Variants in PCGF6 observed in about 807,000 individuals in gnomAD.
The protein encoded by PCGF6 is polycomb group RING finger protein 6.
A neutral mutation model predicts 45.5 loss-of-function variants in PCGF6; 24 were observed. The ratio of observed to expected loss-of-function variants is 0.53; its 90% CI spans 0.38 to 0.74. The LOEUF is 0.74. Among genes scored for constraint, PCGF6 ranks in the 30% least tolerant of loss-of-function variants. PCGF6 has a pLI of 0.00. For missense variants in PCGF6, 356 were observed against 443.2 expected (o/e 0.80, Z 1.77); for synonymous variants, 152 against 162.1 (o/e 0.94, Z 0.47).
At chr10:103,308,474 C>T (rs1440603132) in intron 9 of PCGF6, among the ~76,000 whole-genome samples, 2 of 151,690 alleles carry the variant, frequency 1.3e-5, no homozygotes, top group East Asian at 2.0e-4. Context: ...TCTCTGCTCA[C>T]TGCAACCTCT....
chr10:103,342,755 A>G (rs1028579046), intron 6 of PCGF6, among the ~76,000 whole-genome samples: 5 of 152,168 alleles, frequency 3.3e-5, no homozygotes, highest in African/African-American at 1.2e-4. Context: ...TGGGTATACC[A>G]TTATTTAACC....
intron 7 of PCGF6, among the ~76,000 whole-genome samples, chr10:103,329,093 G>A (rs2093230329): frequency 6.6e-6 from 1 of 151,508 alleles, no homozygotes; most frequent in South Asian, 2.1e-4. Context: ...AGGCTGGAGT[G>A]CAGTGGCACA....
intron 6 of PCGF6, among the ~76,000 whole-genome samples, chr10:103,338,955 C>G (rs1373767242): frequency 6.6e-6 from 1 of 152,060 alleles, no homozygotes; most frequent in East Asian, 1.9e-4. Flanking sequence ...GAGGCTGAAC[C>G]CACCTCAGTG....
intron 6 of PCGF6, among the ~76,000 whole-genome samples, chr10:103,336,961 T>C (rs1056485005): frequency 1.3e-5 from 2 of 152,186 alleles, no homozygotes; most frequent in Admixed American, 1.3e-4. Context: ...TTTTGCCTTC[T>C]GGTATTGTGA....
At chr10:103,341,419 G>A (rs1476741059) in intron 6 of PCGF6, among the ~76,000 whole-genome samples, 4 of 150,658 alleles carry the variant, frequency 2.7e-5, no homozygotes, top group Non-Finnish European at 5.9e-5. Context: ...ACCATGCCTG[G>A]CTAATTTTTG....
At chr10:103,347,034 A>G (rs1252012201) in intron 5 of PCGF6, among the ~76,000 whole-genome samples, 1 of 152,194 alleles carries the variant, frequency 6.6e-6, no homozygotes, top group Non-Finnish European at 1.5e-5. Flanking sequence ...ATAAAGTGGC[A>G]GGGCTAGGAA....
At position 103,351,072 on chromosome 10, in the gene PCGF6, G is replaced by C. The variant is rs754313162; in HGVS notation, c.-6C>G. On this transcript the variant is annotated 5_prime_UTR_variant, in exon 1 of 10. Transcript: ENST00000369847. ...ACCACCGCGACCCCCTCCATGGTCG[G>C]GAGAGACACCAGGCGAGGCGAGGCG... The C allele has an allele frequency of 8.7e-6, 12 of 1,376,314 alleles. No homozygotes were observed. Among genetic ancestry groups the C allele is most frequent in the South Asian group, 3.8e-5 (2 of 53,108 alleles). 85.3% of individuals were successfully genotyped at this position (1,376,314 alleles called of 1,614,324 possible).
intron 6 of PCGF6, 29 bp from the exon 7 acceptor site, chr10:103,333,981 A>G: frequency 1.4e-6 from 2 of 1,448,664 alleles, no homozygotes; most frequent in Non-Finnish European, 1.9e-6. Context: ...ATTAATCAAT[A>G]TTTAATACTT....
chr10:103,323,054 C>T (rs1255489339), intron 8 of PCGF6, among the ~76,000 whole-genome samples: 2 of 152,062 alleles, frequency 1.3e-5, no homozygotes, highest in African/African-American at 4.8e-5. Flanking sequence ...AAATAACAGG[C>T]TGTTATGGGA....
At chr10:103,323,900 A>G (rs2093206832) in intron 8 of PCGF6, among the ~76,000 whole-genome samples, 2 of 151,512 alleles carry the variant, frequency 1.3e-5, no homozygotes, top group African/African-American at 2.4e-5. Context: ...CTGTTTTAAC[A>G]TATCTATTAA....
At chr10:103,331,456 G>T (rs2093239783) in intron 7 of PCGF6, among the ~76,000 whole-genome samples, 1 of 151,878 alleles carries the variant, frequency 6.6e-6, no homozygotes, top group African/African-American at 2.4e-5. Flanking sequence ...TAGAGTTTTG[G>T]CATGTTGGCC....
intron 5 of PCGF6, among the ~76,000 whole-genome samples, chr10:103,346,000 C>A (rs964692026): frequency 3.3e-5 from 5 of 151,412 alleles, no homozygotes; most frequent in African/African-American, 1.2e-4. Flanking sequence ...CGGGACCAGC[C>A]TGGCCAACAT....
intron 3 of PCGF6, among the ~76,000 whole-genome samples, chr10:103,347,664 G>A (rs2093304391): frequency 6.6e-6 from 1 of 152,124 alleles, no homozygotes; most frequent in Admixed American, 6.6e-5. Context: ...TCTTGAATGG[G>A]TCACTAAACT....
At chr10:103,321,583 G>A (rs1007175710) in intron 8 of PCGF6, among the ~76,000 whole-genome samples, 3 of 151,948 alleles carry the variant, frequency 2.0e-5, no homozygotes, top group African/African-American at 2.4e-5. Context: ...GTGGTGGTGG[G>A]TGCCTGTAGT....
Position 103,316,013 on chromosome 10 carries a change from T to TATAGAG in PCGF6, c.910-1742_910-1741insCTCTAT, listed in dbSNP as rs1311416309. ...GTGTGTGTATATATATATATATATATAGAGAGAGAGAGAGAGAGAGAGAGA... is the reference window on the plus strand; with the variant it reads ...GTGTGTGTATATATATATATATATATATAGAGAGAGAGAGAGAGAGAGAGAGAGAGA... On this transcript the variant is annotated intron_variant, in intron 8 of 9. Transcript: ENST00000369847. Among the ~76,000 whole-genome samples, 378 of 119,460 alleles carry TATAGAG rather than the reference T, an allele frequency of 3.2e-3. 1 individual carries two copies. Among genetic ancestry groups the TATAGAG allele is most frequent in the African/African-American group, 0.012 (366 of 30,914 alleles). 78.4% of individuals were successfully genotyped at this position (119,460 alleles called of 152,430 possible).
intron 7 of PCGF6, among the ~76,000 whole-genome samples, chr10:103,330,641 C>T (rs998742552): frequency 2.0e-5 from 3 of 152,190 alleles, no homozygotes; most frequent in African/African-American, 7.2e-5. Context: ...CCTAAAAAGA[C>T]GCCTGGCTGG....
chr10:103,349,073 G>T, intron 1 of PCGF6, 74 bp from the exon 2 acceptor site: 1 of 1,269,438 alleles, frequency 7.9e-7, no homozygotes. Context: ...TTTTGAGACA[G>T]AGTCTCACTC....
chr10:103,307,120 TAAAAAATA>T, intron 9 of PCGF6, among the ~76,000 whole-genome samples: 1 of 140,144 alleles, frequency 7.1e-6, no homozygotes, highest in South Asian at 2.3e-4. Flanking sequence ...AAACAAAAAA[TAAAAAATA>T]AAAAAATAAA....
intron 9 of PCGF6, among the ~76,000 whole-genome samples, chr10:103,307,620 A>C (rs1348561771): frequency 6.6e-6 from 1 of 152,098 alleles, no homozygotes; most frequent in East Asian, 1.9e-4. Context: ...CTACAGGTGC[A>C]TGCCACCATG....
Sources: allele counts gnomAD v4.1 joint callset (sites outside exome capture counted in the v4.1 genomes callset), GRCh38; gene constraint gnomAD v4.1.1; transcripts MANE v1.5; gene names NCBI Gene and HGNC (gene_info 2026-07-23, HGNC 2026-07-21).